Variants in SLC39A9 observed in about 807,000 individuals in gnomAD.
The protein encoded by SLC39A9 is solute carrier family 39 member 9, also known as zinc transporter ZIP9.
SLC39A9 carries 14 observed loss-of-function variants against 28.4 expected under a neutral mutation model. The observed-to-expected ratio is 0.49, with a 90% CI of 0.33 to 0.77. SLC39A9 has a LOEUF of 0.77. Among genes scored for constraint, SLC39A9 ranks in the 30% least tolerant of loss-of-function variants. SLC39A9 has a pLI of 0.02. For synonymous variants in SLC39A9, 119 were observed against 149.6 expected (o/e 0.80, Z 1.49); for missense variants, 283 against 381.1 (o/e 0.74, Z 2.14).
chr14:69,448,613 A>T (rs1038687245), intron 3 of SLC39A9, among the ~76,000 whole-genome samples: 3 of 152,356 alleles, frequency 2.0e-5, no homozygotes, highest in Admixed American at 6.5e-5. Context: ...GCGAGAGGAA[A>T]TGTTCCAGAT....
intron 2 of SLC39A9, among the ~76,000 whole-genome samples, chr14:69,433,669 TTG>T (rs2140286315): frequency 6.6e-6 from 1 of 152,318 alleles, no homozygotes; most frequent in Admixed American, 6.5e-5. Context: ...GCTTTGGAAG[TTG>T]TGTCTTTCAA....
rs1885995744 is a variant in SLC39A9, at chr14:69,458,976, C to G, written c.*383C>G. ...TTCTGTAATTAAGCTATGTCTCTTT[C>G]TTCTTAGTTTAGAGGCTCTGCTACT... On this transcript the variant is annotated 3_prime_UTR_variant, in exon 7 of 7. Coordinates refer to ENST00000336643, the MANE Select transcript of SLC39A9 (RefSeq NM_018375.5). 9.0e-6 allele frequency: 9 copies of G among 999,150 alleles called. No homozygotes were observed. Among genetic ancestry groups the G allele is most frequent in the Non-Finnish European group, 1.1e-5 (9 of 837,776 alleles). The allele number at this position is 999,150 out of a possible 1,614,324, so 61.9% of individuals were successfully genotyped here.
intron 1 of SLC39A9, among the ~76,000 whole-genome samples, chr14:69,404,114 T>G (rs1049039696): frequency 5.3e-5 from 8 of 152,168 alleles, no homozygotes; most frequent in Non-Finnish European, 1.2e-4. Context: ...TAGTCCCAGC[T>G]ACTCCAAATG....
chr14:69,432,180 A>G (rs1332541680), intron 2 of SLC39A9, among the ~76,000 whole-genome samples: 1 of 152,196 alleles, frequency 6.6e-6, no homozygotes, highest in Admixed American at 6.5e-5. Flanking sequence ...ATTCCCATCA[A>G]CAGTGTATAA....
intron 2 of SLC39A9, among the ~76,000 whole-genome samples, chr14:69,431,995 T>G (rs1319518826): frequency 6.6e-6 from 1 of 152,226 alleles, no homozygotes; most frequent in Non-Finnish European, 1.5e-5. Context: ...ATGTCCTTGC[T>G]ATCGAGAATA....
intron 3 of SLC39A9, among the ~76,000 whole-genome samples, chr14:69,448,478 C>T (rs1448598264): frequency 6.6e-6 from 1 of 152,044 alleles, no homozygotes. Context: ...AGCATCATCA[C>T]CATTATAACA....
At chr14:69,413,236 GTCC>G (rs1883373711) in intron 1 of SLC39A9, among the ~76,000 whole-genome samples, 4 of 152,078 alleles carry the variant, frequency 2.6e-5, no homozygotes, top group Admixed American at 2.0e-4. Flanking sequence ...GGCACGTGTA[GTCC>G]CAGCTACTCG....
intron 2 of SLC39A9, among the ~76,000 whole-genome samples, chr14:69,424,817 TCA>T (rs1442417547): frequency 1.3e-5 from 2 of 152,184 alleles, no homozygotes; most frequent in Non-Finnish European, 2.9e-5. Flanking sequence ...TCATGAAACT[TCA>T]CAGTTACCTG....
chr14:69,433,787 T>C (rs1884609177), intron 2 of SLC39A9, among the ~76,000 whole-genome samples: 1 of 152,124 alleles, frequency 6.6e-6, no homozygotes, highest in African/African-American at 2.4e-5. Flanking sequence ...TGCTTTTCTT[T>C]CTTTTCTTCT....
chr14:69,446,947 TAGAGAGAGAGAG>T (rs1213461172), intron 3 of SLC39A9, among the ~76,000 whole-genome samples: 1 of 129,376 alleles, frequency 7.7e-6, no homozygotes, highest in East Asian at 2.2e-4. Flanking sequence ...TATATATATA[TAGAGAGAGAGAG>T]AGAGAGAGCG....
At chr14:69,402,840 G>C (rs1882712223) in intron 1 of SLC39A9, among the ~76,000 whole-genome samples, 3 of 152,148 alleles carry the variant, frequency 2.0e-5, no homozygotes, top group Non-Finnish European at 4.4e-5. Context: ...CCAGCACTTT[G>C]GGAGGCTGAG....
chr14:69,398,592 A>G, upstream of SLC39A9: 1 of 313,530 alleles, frequency 3.2e-6, no homozygotes, highest in Non-Finnish European at 6.0e-6. Flanking sequence ...CCTACTCAAA[A>G]ATGGCGGCAA....
chr14:69,423,772 C>T (rs866475244), intron 1 of SLC39A9, among the ~76,000 whole-genome samples: 1 of 152,004 alleles, frequency 6.6e-6, no homozygotes, highest in African/African-American at 2.4e-5. Context: ...GTGGTGCACG[C>T]CTGTAATCCC....
At chr14:69,441,104 C>G (rs1464596638) in intron 2 of SLC39A9, among the ~76,000 whole-genome samples, 4 of 152,194 alleles carry the variant, frequency 2.6e-5, no homozygotes, top group African/African-American at 7.2e-5. Context: ...ATAGGGAGAC[C>G]ACATTTCTAC....
At chr14:69,457,100 G>A (rs993274185) in intron 6 of SLC39A9, among the ~76,000 whole-genome samples, 10 of 151,896 alleles carry the variant, frequency 6.6e-5, no homozygotes, top group African/African-American at 2.4e-4. Flanking sequence ...TTAATTAGTT[G>A]TCTTAGTCCA....
chr14:69,400,574 G>A (rs775733119), intron 1 of SLC39A9, among the ~76,000 whole-genome samples: 29 of 152,164 alleles, frequency 1.9e-4, no homozygotes, highest in Admixed American at 3.3e-4. Context: ...TGCCATTCCT[G>A]AAAGTACTTT....
At chr14:69,449,495 T>A (rs1369265289) in intron 3 of SLC39A9, among the ~76,000 whole-genome samples, 1 of 151,958 alleles carries the variant, frequency 6.6e-6, no homozygotes, top group Non-Finnish European at 1.5e-5. Context: ...CATGGTGGCA[T>A]GTGCCTGTAA....
At chr14:69,453,610 C>T (rs984805140) in intron 4 of SLC39A9, among the ~76,000 whole-genome samples, 1 of 151,960 alleles carries the variant, frequency 6.6e-6, no homozygotes, top group Non-Finnish European at 1.5e-5. Flanking sequence ...CACAGCCTTG[C>T]CCATGTATTT....
At chr14:69,435,717 G>GC (rs1884709588) in intron 2 of SLC39A9, among the ~76,000 whole-genome samples, 2 of 151,960 alleles carry the variant, frequency 1.3e-5, no homozygotes, top group Non-Finnish European at 2.9e-5. Context: ...CTTTTGCCCA[G>GC]GCTGGAGTGC....
Sources: allele counts gnomAD v4.1 joint callset (sites outside exome capture counted in the v4.1 genomes callset), GRCh38; gene constraint gnomAD v4.1.1; transcripts MANE v1.5; gene names NCBI Gene and HGNC (gene_info 2026-07-23, HGNC 2026-07-21).